The following KMO variants were observed in gnomAD, a reference collection of about 807,000 sequenced individuals.
The protein encoded by KMO is kynurenine 3-monooxygenase, also known as kynurenine 3-hydroxylase.
Under a neutral mutation model 57.8 loss-of-function variants are expected in KMO, and 24 were observed. That is an observed-to-expected ratio of 0.42 (90% CI 0.30 to 0.58). The LOEUF (loss-of-function observed/expected upper bound fraction) is 0.58. Among genes scored for constraint, KMO ranks in the 20% least tolerant of loss-of-function variants. The pLI, the probability that KMO is intolerant of heterozygous loss-of-function variation, is 0.22. For missense variants in KMO, 483 were observed against 588.2 expected (o/e 0.82, Z 1.85); for synonymous variants, 210 against 193.6 (o/e 1.08, Z -0.70).
chr1:241,594,778 T>TTTAAG lies in KMO; in HGVS notation c.*2628_*2632dup. The TTTAAG allele has an allele frequency of 6.7e-7, 1 of 1,489,776 alleles. No individual in the cohort carries two copies. Among genetic ancestry groups the TTTAAG allele is most frequent in the Non-Finnish European group, 9.1e-7 (1 of 1,101,622 alleles). The allele number at this position is 1,489,776 out of a possible 1,614,324, so 92.3% of individuals were successfully genotyped here. A position where few individuals can be genotyped will look rare whatever the true frequency, so the allele number is the denominator to read the frequency against. On this transcript the variant is annotated 3_prime_UTR_variant, in exon 15 of 15. Transcript: ENST00000366559. Reference sequence around the variant, plus strand: ...ATTCGAGGAAATCAGTTGAGCTGAATTTAAGTTGTTTTTTGTTTGTTAGCA... The same window carrying TTTAAG: ...ATTCGAGGAAATCAGTTGAGCTGAATTTAAGTTAAGTTGTTTTTTGTTTGTTAGCA...
chr1:241,551,565 A>T (rs550973514), intron 4 of KMO, among the ~76,000 whole-genome samples: 1 of 152,330 alleles, frequency 6.6e-6, no homozygotes, highest in African/African-American at 2.4e-5. Flanking sequence ...GAGACTCATT[A>T]TCCTGCTCTG....
intron 1 of KMO, among the ~76,000 whole-genome samples, chr1:241,546,563 G>T (rs769075179): frequency 3.3e-5 from 5 of 152,140 alleles, no homozygotes; most frequent in Non-Finnish European, 5.9e-5. Flanking sequence ...AAAAGAGATG[G>T]GTAGATGGAA....
intron 10 of KMO, among the ~76,000 whole-genome samples, chr1:241,572,681 G>GT (rs1028520543): frequency 2.0e-5 from 3 of 151,924 alleles, no homozygotes; most frequent in African/African-American, 7.3e-5. Context: ...GGGTACAAGT[G>GT]TTTTTTGGTT....
intron 8 of KMO, among the ~76,000 whole-genome samples, chr1:241,565,447 G>T (rs907931527): frequency 6.6e-6 from 1 of 151,794 alleles, no homozygotes; most frequent in African/African-American, 2.4e-5. Context: ...GGGGATGGGC[G>T]CAGCGGCTCA....
chr1:241,586,681 C>T lies in KMO; in HGVS notation c.960C>T (p.Gly320=). 6.3e-7 allele frequency: 1 copy of T among 1,591,982 alleles called. No individual in the cohort carries two copies. Among genetic ancestry groups the T allele is most frequent in the Non-Finnish European group, 8.6e-7 (1 of 1,168,712 alleles). ...VPFFGQGMNA[G]FEDCLVFDEL... is the part of the protein sequence containing the mutation. ...TCTCTTTTTTTTTCTTGTTTCAGGG[C>T]TTTGAAGACTGCTTGGTATTTGATG... is the stretch of plus-strand genomic sequence containing the variant. Residue 320 remains glycine (G), a splice_region_variant and synonymous_variant, in exon 11 of 15, where the codon GGC becomes GGT. Coordinates refer to ENST00000366559, the MANE Select transcript of KMO (RefSeq NM_003679.5).
At chr1:241,545,197 T>A (rs752463930) in intron 1 of KMO, among the ~76,000 whole-genome samples, 1 of 152,288 alleles carries the variant, frequency 6.6e-6, no homozygotes, top group African/African-American at 2.4e-5. Flanking sequence ...CAATGGTAGA[T>A]GCTAGGAATA....
At position 241,592,786 on chromosome 1, in the gene KMO, C is replaced by CTATCTATCTATCTATCTATCTATCTA. The variant is rs1553352742; in HGVS notation, c.*646_*647insATCTATCTATCTATATCTATCTATCT. The CTATCTATCTATCTATCTATCTATCTA allele has an allele frequency of 6.5e-5, 10 of 153,604 alleles. No individual in the cohort carries two copies. The highest frequency in any genetic ancestry group is 1.0e-4 in the Non-Finnish European group (7 of 69,374). The allele number at this position is 153,604 out of a possible 1,614,324, so 9.5% of individuals were successfully genotyped here. A position where few individuals can be genotyped will look rare whatever the true frequency, so the allele number is the denominator to read the frequency against. On this transcript the variant is annotated 3_prime_UTR_variant, in exon 15 of 15. Coordinates refer to ENST00000366559, the MANE Select transcript of KMO (RefSeq NM_003679.5). ...TCTATCTATCTATCTATCTATCTAT[C>CTATCTATCTATCTATCTATCTATCTA]TATCTATCTATCTCTATTTATTTAT...
In KMO at chr1:241,588,749, T is replaced by C; in HGVS notation, c.1017T>C (p.Ser339=). ...AAAGATGTATTATTTAACTTACAGG[T>C]TTGTGTCTTCCTGTGTTCTCAAGAT... ...ELMDKFSNDL[S]LCLPVFSRLR... The change falls in exon 12 of 15, where the codon AGT becomes AGC. Residue 339 remains serine (S), a splice_region_variant and synonymous_variant. Coordinates refer to ENST00000366559, the MANE Select transcript of KMO (RefSeq NM_003679.5). 14 of 1,609,652 alleles carry C rather than the reference T, an allele frequency of 8.7e-6. No individual in the cohort carries two copies. Among genetic ancestry groups the C allele is most frequent in the Non-Finnish European group, 1.2e-5 (14 of 1,176,200 alleles).
In KMO at chr1:241,594,646, A is replaced by C. The variant is rs1663442253; in HGVS notation, c.*2493A>C. 3 of 1,614,114 alleles carry C rather than the reference A, an allele frequency of 1.9e-6. No individual in the cohort carries two copies. The highest frequency in any genetic ancestry group is 2.5e-6 in the Non-Finnish European group (3 of 1,179,986). ...GGTAGGTCTTTAGCAGGCCTCTGGC[A>C]CCTCAGCAGTCGGAGGCACAGAAGC... is the stretch of plus-strand genomic sequence containing the variant. On this transcript the variant is annotated 3_prime_UTR_variant, in exon 15 of 15. Coordinates refer to ENST00000366559, the MANE Select transcript of KMO (RefSeq NM_003679.5).
chr1:241,563,874 G>A (rs1374229596), intron 7 of KMO, among the ~76,000 whole-genome samples: 2 of 152,036 alleles, frequency 1.3e-5, no homozygotes, highest in Admixed American at 1.3e-4. Context: ...TTCATGTAAT[G>A]TGTGAAATAG....
chr1:241,561,094 T>G (rs1661818415), intron 6 of KMO, among the ~76,000 whole-genome samples: 1 of 152,174 alleles, frequency 6.6e-6, no homozygotes, highest in Non-Finnish European at 1.5e-5. Context: ...TCTCTGCCTT[T>G]CCTTGGATGA....
intron 10 of KMO, among the ~76,000 whole-genome samples, chr1:241,582,051 G>A (rs1403383866): frequency 6.6e-6 from 1 of 152,014 alleles, no homozygotes; most frequent in Non-Finnish European, 1.5e-5. Context: ...ATTCTAAATT[G>A]GAAGCTTTTA....
rs540700381 is a variant in KMO at position 241,594,293 on chromosome 1, G to A, written c.*2140G>A. On this transcript the variant is annotated 3_prime_UTR_variant, in exon 15 of 15. Transcript: ENST00000366559. ...CTTCCTGAGGCCCAAGAGCATATGGGCAATTCGGATTTCCTGCTGGACCAC... is the reference window on the plus strand; with the variant it reads ...CTTCCTGAGGCCCAAGAGCATATGGACAATTCGGATTTCCTGCTGGACCAC... The A allele has an allele frequency of 8.3e-5, 79 of 954,906 alleles. 2 individuals carry two copies. The South Asian group carries it at 1.2e-3, about 14-fold the overall frequency. 59.2% of individuals were successfully genotyped at this position (954,906 alleles called of 1,614,324 possible).
chr1:241,545,236 TAG>T (rs1661100281), intron 1 of KMO, among the ~76,000 whole-genome samples: 1 of 152,216 alleles, frequency 6.6e-6, no homozygotes, highest in Non-Finnish European at 1.5e-5. Flanking sequence ...GTTGATAGCT[TAG>T]AAGGACAGAC....
At chr1:241,558,426 T>G (rs969889286) in intron 5 of KMO, among the ~76,000 whole-genome samples, 4 of 152,246 alleles carry the variant, frequency 2.6e-5, no homozygotes, top group Non-Finnish European at 4.4e-5. Flanking sequence ...ACACATTTAA[T>G]CAATTGTAAA....
intron 9 of KMO, among the ~76,000 whole-genome samples, chr1:241,568,053 C>G (rs61825647): frequency 0.17 from 25,722 of 152,108 alleles, 2,496 homozygotes; most frequent in Middle Eastern, 0.23. Flanking sequence ...CCCCCAAATG[C>G]TAGTTTTATT....
intron 1 of KMO, among the ~76,000 whole-genome samples, chr1:241,540,282 C>T (rs1660914573): frequency 6.6e-6 from 1 of 152,076 alleles, no homozygotes; most frequent in Non-Finnish European, 1.5e-5. Context: ...TTATTCCTCT[C>T]TGGGAATTTA....
Position 241,594,637 on chromosome 1 carries a change from G to C in KMO, c.*2484G>C, listed in dbSNP as rs1663441803. On this transcript the variant is annotated 3_prime_UTR_variant, in exon 15 of 15. Coordinates refer to ENST00000366559, the MANE Select transcript of KMO (RefSeq NM_003679.5). ...CCAGCTGCTGGTAGGTCTTTAGCAG[G>C]CCTCTGGCACCTCAGCAGTCGGAGG... 2.5e-6 allele frequency: 4 copies of C among 1,614,082 alleles called. No homozygotes were observed. The highest frequency in any genetic ancestry group is 2.7e-5 in the African/African-American group (2 of 75,038).
At chr1:241,554,227 TTTCCTTCCTTCC>T (rs59290477) in intron 4 of KMO, among the ~76,000 whole-genome samples, 11,958 of 132,064 alleles carry the variant, frequency 0.091, 613 homozygotes, top group East Asian at 0.14. Context: ...AATACTTTTC[TTTCCTTCCTTCC>T]TTCCTTCCTT....
Sources: allele counts gnomAD v4.1 joint callset (sites outside exome capture counted in the v4.1 genomes callset), GRCh38; gene constraint gnomAD v4.1.1; transcripts MANE v1.5; gene names NCBI Gene and HGNC (gene_info 2026-07-23, HGNC 2026-07-21).